ZSCAN5A: variants seen among roughly 807,000 people sequenced by gnomAD.
ZSCAN5A encodes zinc finger and SCAN domain-containing protein 5A.
Under a neutral mutation model 23.7 loss-of-function variants are expected in ZSCAN5A, and 12 were observed. The observed-to-expected ratio is 0.51, with a 90% CI of 0.32 to 0.82. The LOEUF is 0.82. Ranked by LOEUF, ZSCAN5A falls within the 40% of genes least tolerant of loss-of-function variation. ZSCAN5A has a pLI of 0.03. For missense variants in ZSCAN5A, 597 were observed against 617.9 expected, an observed-to-expected ratio of 0.97 and a Z score of 0.36; for synonymous variants, 257 against 239.9, an observed-to-expected ratio of 1.07 and a Z score of -0.66.
chr19:56,286,811 C>T (rs2039158270), intron 2 of ZSCAN5A: 1 of 152,252 alleles, frequency 6.6e-6, no homozygotes. Flanking sequence ...CTCGGCGTCA[C>T]TAAGCACTCA....
chr19:56,300,947 C>G (rs1468471811), intron 2 of ZSCAN5A, among the ~76,000 whole-genome samples: 1 of 152,098 alleles, frequency 6.6e-6, no homozygotes, highest in Non-Finnish European at 1.5e-5. Flanking sequence ...CTAGAAAGAT[C>G]CTGCTGGCAC....
chr19:56,308,671 C>T (rs1033891480), intron 2 of ZSCAN5A, among the ~76,000 whole-genome samples: 2 of 150,616 alleles, frequency 1.3e-5, no homozygotes, highest in African/African-American at 4.9e-5. Flanking sequence ...TTTTTTTTCC[C>T]GCTCCATTAT....
At chr19:56,258,587 A>AGACACGCCTTCCAGTGTGGGGGGTGACC (rs2036898515) in intron 2 of ZSCAN5A, among the ~76,000 whole-genome samples, 1 of 143,542 alleles carries the variant, frequency 7.0e-6, no homozygotes, top group Admixed American at 6.9e-5. Flanking sequence ...AGGGGGTGAC[A>AGACACGCCTTCCAGTGTGGGGGGTGACC]GACACGCCTT....
At chr19:56,282,603 C>A in intron 2 of ZSCAN5A, 1 of 644,712 alleles carries the variant, frequency 1.6e-6, no homozygotes, top group Non-Finnish European at 1.9e-6. Context: ...CTGGTCTGTT[C>A]ACAGCTTAGC....
chr19:56,237,595 A>G lies in ZSCAN5A; in HGVS notation c.-127-12422T>C, dbSNP rs2035030384. ...TCGCTGTACGTTGAAGAGCATCCAC[A>G]CTGTATCGCATACTTGAAATTTGCT... On this transcript the variant is annotated intron_variant, in intron 2 of 5. Transcript: ENST00000683990. 2.0e-5 allele frequency among the ~76,000 whole-genome samples: 3 copies of G among 152,218 alleles called. No homozygotes were observed. In the South Asian group the frequency reaches 6.2e-4, roughly 32 times the overall value.
intron 2 of ZSCAN5A, among the ~76,000 whole-genome samples, chr19:56,328,593 C>G (rs187590894): frequency 1.3e-5 from 2 of 151,596 alleles, no homozygotes; most frequent in African/African-American, 4.9e-5. Flanking sequence ...GAAATCACAC[C>G]ATTGCACTCC....
At chr19:56,228,704 GAA>G (rs1010896462) in intron 2 of ZSCAN5A, among the ~76,000 whole-genome samples, 4 of 151,452 alleles carry the variant, frequency 2.6e-5, no homozygotes, top group Non-Finnish European at 5.9e-5. Flanking sequence ...TCAAGATACT[GAA>G]AAAAAGAGAC....
At chr19:56,293,508 G>A (rs1048998937) in intron 2 of ZSCAN5A, among the ~76,000 whole-genome samples, 13 of 152,148 alleles carry the variant, frequency 8.5e-5, no homozygotes, top group Admixed American at 4.6e-4. Context: ...AGGGAAAGAG[G>A]AACTGGCAGA....
At chr19:56,292,308 G>T (rs1312679956) in intron 2 of ZSCAN5A, among the ~76,000 whole-genome samples, 2 of 152,282 alleles carry the variant, frequency 1.3e-5, no homozygotes, top group South Asian at 2.1e-4. Flanking sequence ...TTTAGAGACA[G>T]GATCTTGCTC....
intron 2 of ZSCAN5A, among the ~76,000 whole-genome samples, chr19:56,307,708 T>A (rs1448675231): frequency 6.6e-6 from 1 of 152,196 alleles, no homozygotes; most frequent in African/African-American, 2.4e-5. Context: ...GTAATACAAT[T>A]TTTTCCCCAA....
At chr19:56,276,955 C>G (rs115814137) in intron 2 of ZSCAN5A, among the ~76,000 whole-genome samples, 1,598 of 152,012 alleles carry the variant, frequency 0.011, 26 homozygotes, top group African/African-American at 0.037. Context: ...TTTACAAAAA[C>G]TATTTCTATT....
At chr19:56,245,438 G>A in intron 2 of ZSCAN5A, 2 of 649,698 alleles carry the variant, frequency 3.1e-6, no homozygotes, top group Non-Finnish European at 2.8e-6. Context: ...GAGTGTGTGA[G>A]GCCCTGGTGT....
intron 2 of ZSCAN5A, chr19:56,343,118 ATTTCAT>A (rs2041607644): frequency 1.3e-5 from 10 of 751,180 alleles, no homozygotes; most frequent in Non-Finnish European, 2.4e-5. Flanking sequence ...ATGATCCACA[ATTTCAT>A]CCTTCAAATG....
intron 2 of ZSCAN5A, chr19:56,281,699 G>C: frequency 1.0e-6 from 1 of 985,320 alleles, no homozygotes; most frequent in South Asian, 4.7e-5. Context: ...CCAGTCAACT[G>C]TAAGTCATAT....
chr19:56,260,341 A>G (rs2037036977), intron 2 of ZSCAN5A, among the ~76,000 whole-genome samples: 1 of 148,904 alleles, frequency 6.7e-6, no homozygotes, highest in Admixed American at 6.8e-5. Flanking sequence ...TAGCCTTCCT[A>G]GTAGCTGGGA....
rs567856385 is a variant in ZSCAN5A, at chr19:56,223,010, G to A, written c.589-269C>T. ...TGGTTCTCTGAGCATATTTCTCCCCGCCGTGCCAACGTCTCCCTGCACCTG... is the reference window on the plus strand; with the variant it reads ...TGGTTCTCTGAGCATATTTCTCCCCACCGTGCCAACGTCTCCCTGCACCTG... On this transcript the variant is annotated intron_variant, in intron 4 of 5. Coordinates refer to ENST00000683990, the MANE Select transcript of ZSCAN5A (RefSeq NM_001322064.3). Among the ~76,000 whole-genome samples, 9 of 152,086 alleles carry A rather than the reference G, an allele frequency of 5.9e-5. 1 individual carries two copies. Among genetic ancestry groups the A allele is most frequent in the Admixed American group, 2.0e-4 (3 of 15,280 alleles).
intron 2 of ZSCAN5A, chr19:56,298,120 C>T (rs1018978091): frequency 3.3e-5 from 5 of 149,310 alleles, no homozygotes; most frequent in South Asian, 2.1e-4. Flanking sequence ...TTTTGAAAAG[C>T]GTAATACAAA....
intron 2 of ZSCAN5A, among the ~76,000 whole-genome samples, chr19:56,335,652 A>G (rs2041528306): frequency 6.6e-6 from 1 of 152,126 alleles, no homozygotes; most frequent in African/African-American, 2.4e-5. Context: ...TATTTTGCTC[A>G]TTAGTTGATG....
At chr19:56,308,331 C>CTT (rs543582885) in intron 2 of ZSCAN5A, among the ~76,000 whole-genome samples, 1 of 144,668 alleles carries the variant, frequency 6.9e-6, no homozygotes, top group East Asian at 2.0e-4. Context: ...GGCTCCCAGT[C>CTT]TTTTTTTTTT....
Sources: gnomAD v4.1 joint callset for allele counts (sites outside exome capture counted in the v4.1 genomes callset) on GRCh38, gnomAD v4.1.1 for gene constraint, MANE v1.5 for transcripts, NCBI Gene and HGNC (gene_info 2026-07-23, HGNC 2026-07-21) for gene names.